TGM6: variants seen among roughly 807,000 people sequenced by gnomAD.
The protein encoded by TGM6 is transglutaminase 6.
In TGM6, 74 loss-of-function variants were observed where a neutral mutation model predicts 77.5. The observed-to-expected ratio is 0.96, with a 90% CI of 0.79 to 1.16. The LOEUF is 1.16. TGM6 is among the 50% of genes most tolerant of loss of function. TGM6 has a pLI of 0.00. For missense variants in TGM6, 968 were observed against 940.2 expected, an observed-to-expected ratio of 1.03 and a Z score of -0.39; for synonymous variants, 383 against 378.9, an observed-to-expected ratio of 1.01 and a Z score of -0.12.
intron 6 of TGM6, among the ~76,000 whole-genome samples, chr20:2,400,099 G>A (rs974386382): frequency 2.6e-5 from 4 of 152,186 alleles, no homozygotes; most frequent in African/African-American, 7.2e-5. Flanking sequence ...ATATCCTGAA[G>A]TCCTTGAGAG....
intron 9 of TGM6, among the ~76,000 whole-genome samples, chr20:2,404,726 C>T (rs549425021): frequency 3.3e-5 from 5 of 152,104 alleles, no homozygotes; most frequent in East Asian, 1.9e-4. Context: ...CTGCAACCTC[C>T]GCCTCCTGGG....
intron 12 of TGM6, among the ~76,000 whole-genome samples, chr20:2,432,254 G>A (rs576346497): frequency 1.3e-5 from 2 of 152,156 alleles, no homozygotes; most frequent in South Asian, 2.1e-4. Context: ...CACCACGTTG[G>A]CCAGGCTGGT....
In TGM6 at chr20:2,430,737, C is replaced by T; in HGVS notation, c.1833+137C>T. 3 of 1,585,014 alleles carry T rather than the reference C, an allele frequency of 1.9e-6. No homozygotes were observed. In the South Asian group the frequency reaches 3.3e-5, roughly 18 times the overall value. The stretch of plus-strand genomic sequence containing the variant: ...TCCAGGGTGGGAGGAGTGGGTTGGA[C>T]ATAAGGGGATGGGTGCAATAGTGGC... On this transcript the variant is annotated intron_variant, in intron 11 of 12. Transcript: ENST00000202625.
chr20:2,426,081 G>C (rs138791543), intron 10 of TGM6, among the ~76,000 whole-genome samples: 1,592 of 152,192 alleles, frequency 0.01, 25 homozygotes, highest in African/African-American at 0.036. Context: ...TGAATCTATA[G>C]ATCAAGCTAG....
At chr20:2,382,094 T>G (rs1046606876) in intron 1 of TGM6, among the ~76,000 whole-genome samples, 1 of 152,220 alleles carries the variant, frequency 6.6e-6, no homozygotes, top group African/African-American at 2.4e-5. Flanking sequence ...GTCTGCCAGT[T>G]TTAATTGTTC....
intron 10 of TGM6, among the ~76,000 whole-genome samples, chr20:2,419,255 C>T (rs961151983): frequency 6.6e-6 from 1 of 152,144 alleles, no homozygotes; most frequent in African/African-American, 2.4e-5. Flanking sequence ...CTTTGCCTCT[C>T]TCTCCTTTCA....
At chr20:2,429,542 G>A (rs1389545701) in intron 10 of TGM6, among the ~76,000 whole-genome samples, 6 of 151,638 alleles carry the variant, frequency 4.0e-5, no homozygotes, top group African/African-American at 7.3e-5. Context: ...AGGCCAAGGC[G>A]AGAGGATCAT....
chr20:2,384,588 G>A (rs2084581561), intron 1 of TGM6, among the ~76,000 whole-genome samples: 1 of 152,172 alleles, frequency 6.6e-6, no homozygotes, highest in Non-Finnish European at 1.5e-5. Context: ...GAGGAAGCGG[G>A]TATGATCATC....
chr20:2,394,370 C>A, intron 1 of TGM6, 82 bp from the exon 2 acceptor site: 1 of 1,492,202 alleles, frequency 6.7e-7, no homozygotes. Flanking sequence ...AATGACTGGC[C>A]GAGAATGAAT....
Position 2,432,426 on chromosome 20 carries a change from G to T in TGM6, c.1968-64G>T, listed in dbSNP as rs186966263. ...GAGGAGCCTGGGGAGCCGTGGATTG[G>T]CAGGCCAGACTCAGAATGGCAAGAG... is the stretch of plus-strand genomic sequence containing the variant. On this transcript the variant is annotated intron_variant, in intron 12 of 12. Transcript: ENST00000202625. 1.1e-4 allele frequency: 175 copies of T among 1,602,676 alleles called. No homozygotes were observed. In the East Asian group the frequency reaches 3.8e-3, roughly 35 times the overall value.
chr20:2,386,506 G>T (rs1049739164), intron 1 of TGM6, among the ~76,000 whole-genome samples: 7 of 152,130 alleles, frequency 4.6e-5, no homozygotes, highest in African/African-American at 1.7e-4. Context: ...AGGGACAAAT[G>T]GGGAGAAGCT....
intron 9 of TGM6, among the ~76,000 whole-genome samples, chr20:2,405,995 A>G (rs867867315): frequency 1.2e-4 from 19 of 152,192 alleles, no homozygotes; most frequent in South Asian, 2.1e-4. Flanking sequence ...GGCACCCCCA[A>G]TCTTGATCAG....
intron 9 of TGM6, among the ~76,000 whole-genome samples, chr20:2,406,160 G>C (rs145934856): frequency 7.9e-5 from 12 of 152,292 alleles, no homozygotes; most frequent in African/African-American, 2.9e-4. Flanking sequence ...TCTTCTTACT[G>C]TCTTGGGGAT....
chr20:2,401,457 G>A (rs2084708684), intron 7 of TGM6, among the ~76,000 whole-genome samples: 1 of 152,146 alleles, frequency 6.6e-6, no homozygotes, highest in South Asian at 2.1e-4. Flanking sequence ...TGCTTAAACA[G>A]TATTGGCAGC....
chr20:2,396,566 G>A lies in TGM6; in HGVS notation c.485G>A (p.Gly162Asp), dbSNP rs1351094172. The A allele has an allele frequency of 6.2e-7, 1 of 1,614,132 alleles. No individual in the cohort carries two copies. The change falls in exon 4 of 13, where the codon GGC becomes GAC. Residue 162 changes from glycine (G) to aspartate (D), a missense_variant. Gly to Asp is a moderately conservative substitution (Grantham distance 94, BLOSUM62 -1). Coordinates refer to ENST00000202625, the MANE Select transcript of TGM6 (RefSeq NM_198994.3). The stretch of plus-strand genomic sequence containing the variant: ...CAGGAGTACGTGCTCAGCGACAGCG[G>A]CATCATCTTCCGAGGCGTGGAGAAG... ...ERQEYVLSDS[G>D]IIFRGVEKHI... is the part of the protein sequence containing the mutation.
intron 3 of TGM6, 109 bp from the exon 4 acceptor site, chr20:2,396,397 C>G (rs2084667468): frequency 1.8e-6 from 2 of 1,092,438 alleles, no homozygotes; most frequent in Admixed American, 1.7e-5. Context: ...CTCTCCTGCC[C>G]CAGTCAGCCT....
chr20:2,384,178 T>C (rs1279238657), intron 1 of TGM6, among the ~76,000 whole-genome samples: 1 of 151,732 alleles, frequency 6.6e-6, no homozygotes, highest in African/African-American at 2.4e-5. Flanking sequence ...GCTACGTACC[T>C]GATGAATAGG....
At chr20:2,411,553 G>A (rs904753062) in intron 9 of TGM6, among the ~76,000 whole-genome samples, 1 of 152,118 alleles carries the variant, frequency 6.6e-6, no homozygotes, top group African/African-American at 2.4e-5. Context: ...ACTTAATAGT[G>A]AAACGTTGAA....
In TGM6 at chr20:2,417,365, C is replaced by T; in HGVS notation, c.1470C>T (p.Ala490=). The T allele has an allele frequency of 6.2e-7, 1 of 1,613,330 alleles. No individual in the cohort carries two copies. Residue 490 remains alanine, a synonymous_variant, in exon 10 of 13, where the codon GCC becomes GCT. Transcript: ENST00000202625. ...GGCGTGACGACCTCCTGGAGCCTGC[C>T]ACCAAGCCCAGCATCGCTGGCAAGT... ...CLWRDDLLEP[A]TKPSIAGKFK...
Sources: gnomAD v4.1 joint callset for allele counts (sites outside exome capture counted in the v4.1 genomes callset) on GRCh38, gnomAD v4.1.1 for gene constraint, MANE v1.5 for transcripts, NCBI Gene and HGNC (gene_info 2026-07-23, HGNC 2026-07-21) for gene names.